The following ASPH variants were observed in gnomAD, a reference collection of about 807,000 sequenced individuals.
ASPH encodes aspartate beta-hydroxylase, also known as aspartyl/asparaginyl beta-hydroxylase.
ASPH carries 100 observed loss-of-function variants against 118.4 expected under a neutral mutation model. The ratio of observed to expected loss-of-function variants is 0.84; its 90% CI spans 0.72 to 1.00. The LOEUF (loss-of-function observed/expected upper bound fraction) is 1.00. ASPH is among the 50% of genes least tolerant of loss of function. The pLI, the probability that ASPH is intolerant of heterozygous loss-of-function variation, is 0.00. For missense variants in ASPH, 920 were observed against 919.5 expected, an observed-to-expected ratio of 1.00 and a Z score of -0.01; for synonymous variants, 315 against 325.6, an observed-to-expected ratio of 0.97 and a Z score of 0.35.
intron 13 of ASPH, among the ~76,000 whole-genome samples, chr8:61,629,703 C>T (rs765989041): frequency 1.3e-5 from 2 of 152,210 alleles, no homozygotes; most frequent in Non-Finnish European, 2.9e-5. Flanking sequence ...ATTCCTGAGG[C>T]CTATGTGATG....
At chr8:61,676,575 T>C (rs1289053699) in intron 3 of ASPH, among the ~76,000 whole-genome samples, 1 of 152,058 alleles carries the variant, frequency 6.6e-6, no homozygotes, top group Non-Finnish European at 1.5e-5. Flanking sequence ...CTTTCTCTCA[T>C]TAGAGTGTTG....
At chr8:61,707,714 G>T (rs890034553) in intron 1 of ASPH, among the ~76,000 whole-genome samples, 2 of 152,150 alleles carry the variant, frequency 1.3e-5, no homozygotes, top group Admixed American at 6.5e-5. Flanking sequence ...GAAAAGCAAG[G>T]CATATTCATA....
At chr8:61,625,127 G>T (rs1235511569) in intron 13 of ASPH, 1 of 985,504 alleles carries the variant, frequency 1.0e-6, no homozygotes, top group East Asian at 1.1e-4. Flanking sequence ...GCTTATAGTT[G>T]CTCATGGTCC....
intron 13 of ASPH, among the ~76,000 whole-genome samples, chr8:61,626,743 A>C (rs1480690583): frequency 6.6e-6 from 1 of 151,754 alleles, no homozygotes; most frequent in East Asian, 1.9e-4. Flanking sequence ...TTAAAAATTA[A>C]AATATATTGC....
intron 13 of ASPH, among the ~76,000 whole-genome samples, chr8:61,631,526 A>G (rs957774423): frequency 3.9e-5 from 6 of 152,332 alleles, no homozygotes; most frequent in African/African-American, 1.4e-4. Context: ...GTCTATAAGC[A>G]ATATGCTGTA....
At chr8:61,626,900 G>T (rs541930092) in intron 13 of ASPH, among the ~76,000 whole-genome samples, 11 of 151,640 alleles carry the variant, frequency 7.3e-5, no homozygotes, top group South Asian at 6.2e-4. Flanking sequence ...CACAGAATTG[G>T]ATTTGTGTTA....
chr8:61,516,249 T>C (rs1810873655), intron 24 of ASPH, among the ~76,000 whole-genome samples: 1 of 152,224 alleles, frequency 6.6e-6, no homozygotes, highest in South Asian at 2.1e-4. Flanking sequence ...TGTGAGCAGG[T>C]GAGGCTCCTG....
intron 3 of ASPH, among the ~76,000 whole-genome samples, chr8:61,679,940 A>G (rs1382193799): frequency 3.8e-5 from 5 of 130,646 alleles, no homozygotes; most frequent in Non-Finnish European, 8.5e-5. Flanking sequence ...AATGGGCAAT[A>G]ATAAAAAAAA....
intron 13 of ASPH, chr8:61,624,485 T>C (rs1852026031): frequency 1.0e-6 from 1 of 970,312 alleles, no homozygotes; most frequent in Admixed American, 6.2e-5. Flanking sequence ...GAACTGATTT[T>C]ATTATGTAAC....
At chr8:61,642,746 G>A (rs573303916) in intron 10 of ASPH, 142 bp downstream of exon 10, 5 of 662,276 alleles carry the variant, frequency 7.5e-6, no homozygotes, top group Middle Eastern at 4.3e-4. Context: ...TCAGGAGGCT[G>A]AGGCAAGAGA....
intron 1 of ASPH, among the ~76,000 whole-genome samples, chr8:61,699,790 G>A (rs1321485128): frequency 6.6e-6 from 1 of 152,184 alleles, no homozygotes; most frequent in Non-Finnish European, 1.5e-5. Flanking sequence ...CTCTGCAGGA[G>A]AATGCCTGTC....
intron 21 of ASPH, among the ~76,000 whole-genome samples, chr8:61,527,687 G>A (rs370017363): frequency 2.6e-5 from 4 of 152,112 alleles, no homozygotes; most frequent in East Asian, 1.9e-4. Flanking sequence ...GAAGGGTGGC[G>A]GGGGGAAGGA....
chr8:61,616,480 G>A (rs1849080341), intron 14 of ASPH, among the ~76,000 whole-genome samples: 1 of 152,162 alleles, frequency 6.6e-6, no homozygotes, highest in Non-Finnish European at 1.5e-5. Flanking sequence ...GCATTATAGT[G>A]AACCTCCCAG....
chr8:61,686,189 T>C (rs562682419), intron 1 of ASPH, among the ~76,000 whole-genome samples: 2 of 152,362 alleles, frequency 1.3e-5, no homozygotes, highest in East Asian at 3.9e-4. Context: ...TAATGTGATC[T>C]ATATAAAAGC....
In ASPH at chr8:61,554,979, G is replaced by A. The variant is rs576246208; in HGVS notation, c.1536+945C>T. 2.0e-5 allele frequency among the ~76,000 whole-genome samples: 3 copies of A among 152,246 alleles called. No individual in the cohort carries two copies. In the South Asian group the frequency reaches 6.2e-4, roughly 32 times the overall value. ...TTCTCCCACCTTGGTCTCCAAAAGT[G>A]TTGGGCTTACAGGTGGGAGCCACTG... is the stretch of plus-strand genomic sequence containing the variant. On this transcript the variant is annotated intron_variant, in intron 19 of 24. Transcript: ENST00000379454.
intron 2 of ASPH, chr8:61,682,605 C>T (rs1828671973): frequency 2.2e-6 from 2 of 917,432 alleles, no homozygotes; most frequent in East Asian, 5.3e-5. Flanking sequence ...AAGCATAGAT[C>T]TACTCAGAAA....
intron 21 of ASPH, among the ~76,000 whole-genome samples, chr8:61,544,811 G>A (rs753444712): frequency 1.4e-4 from 21 of 152,150 alleles, no homozygotes; most frequent in Non-Finnish European, 2.1e-4. Context: ...AGAGAACTAA[G>A]AGACTTTAGA....
intron 21 of ASPH, among the ~76,000 whole-genome samples, chr8:61,541,712 T>C (rs1822043118): frequency 1.3e-5 from 2 of 152,036 alleles, no homozygotes; most frequent in South Asian, 4.1e-4. Context: ...TTCCTGCAAA[T>C]ATAGTTCTCA....
At chr8:61,602,293 T>A (rs1844224439) in intron 14 of ASPH, among the ~76,000 whole-genome samples, 2 of 151,522 alleles carry the variant, frequency 1.3e-5, no homozygotes, top group Non-Finnish European at 2.9e-5. Flanking sequence ...TAATGTATAG[T>A]TGTTTTAACA....
Sources: gnomAD v4.1 joint callset for allele counts (sites outside exome capture counted in the v4.1 genomes callset) on GRCh38, gnomAD v4.1.1 for gene constraint, MANE v1.5 for transcripts, NCBI Gene and HGNC (gene_info 2026-07-23, HGNC 2026-07-21) for gene names.